CSMD1: variants seen among roughly 807,000 people sequenced by gnomAD.
CSMD1 encodes the protein CUB and Sushi multiple domains 1, also known as CUB and sushi domain-containing protein 1.
Under a neutral mutation model 417.5 loss-of-function variants are expected in CSMD1, and 213 were observed. That is an observed-to-expected ratio of 0.51 (90% CI 0.46 to 0.57). The LOEUF is 0.57. Among genes scored for constraint, CSMD1 ranks in the 20% least tolerant of loss-of-function variants. The probability of loss-of-function intolerance (pLI) is 0.00; values close to 1 mark genes in which losing one functional copy is unlikely to be tolerated. For synonymous variants in CSMD1, 2,862 were observed against 1,736.8 expected (o/e 1.65, Z -16.11); for missense variants, 6,923 against 4,529.7 (o/e 1.53, Z -15.17).
chr8:3,894,133 C>T (rs968250772), intron 5 of CSMD1, among the ~76,000 whole-genome samples: 1 of 152,178 alleles, frequency 6.6e-6, no homozygotes, highest in African/African-American at 2.4e-5. Flanking sequence ...TAAAAATATT[C>T]TTTTTCCTTT....
chr8:4,188,388 C>T (rs34749479), intron 3 of CSMD1, among the ~76,000 whole-genome samples: 105,845 of 151,724 alleles, frequency 0.7, 37,189 homozygotes, highest in South Asian at 0.8. Flanking sequence ...GCAAACAACA[C>T]AGGAAACATT....
At chr8:4,799,507 G>A (rs577013212) in intron 1 of CSMD1, among the ~76,000 whole-genome samples, 2 of 145,958 alleles carry the variant, frequency 1.4e-5, no homozygotes, top group South Asian at 2.2e-4. Flanking sequence ...CCTGGGGCAG[G>A]AGAATTGCTT....
chr8:4,449,013 T>A, intron 2 of CSMD1, among the ~76,000 whole-genome samples: 1 of 152,182 alleles, frequency 6.6e-6, no homozygotes, highest in East Asian at 1.9e-4. Context: ...ATTACTTGTG[T>A]GCGTTCAGCC....
At chr8:3,255,315 C>G (rs1415061155) in intron 26 of CSMD1, among the ~76,000 whole-genome samples, 1 of 152,118 alleles carries the variant, frequency 6.6e-6, no homozygotes, top group African/African-American at 2.4e-5. Context: ...TCTCGGGGGA[C>G]AGGGACCCAC....
At chr8:3,357,714 T>A (rs181737193) in intron 21 of CSMD1, among the ~76,000 whole-genome samples, 1 of 152,046 alleles carries the variant, frequency 6.6e-6, no homozygotes, top group Admixed American at 6.6e-5. Flanking sequence ...CAGTCAGGAG[T>A]CTTTAGACTC....
intron 33 of CSMD1, among the ~76,000 whole-genome samples, chr8:3,193,853 A>G (rs74346043): frequency 0.024 from 3,648 of 152,230 alleles, 146 homozygotes; most frequent in East Asian, 0.18. Flanking sequence ...TTCGATGATC[A>G]CCCTTCAACA....
chr8:3,598,003 A>G (rs2929605), intron 8 of CSMD1, among the ~76,000 whole-genome samples: 2,004 of 152,294 alleles, frequency 0.013, 54 homozygotes, highest in African/African-American at 0.046. Flanking sequence ...TTTTCTTTGT[A>G]TATCTCCTCT....
chr8:3,854,800 G>A (rs1338819168), intron 5 of CSMD1, among the ~76,000 whole-genome samples: 1 of 151,830 alleles, frequency 6.6e-6, no homozygotes, highest in African/African-American at 2.4e-5. Context: ...TTCATATCGA[G>A]CTGTTGATTA....
intron 1 of CSMD1, among the ~76,000 whole-genome samples, chr8:4,659,758 G>A (rs984355397): frequency 2.6e-5 from 4 of 151,992 alleles, no homozygotes; most frequent in African/African-American, 9.7e-5. Flanking sequence ...TGACGCCTCG[G>A]ATTTGTTCCT....
At chr8:3,981,801 T>G (rs1201585721) in intron 5 of CSMD1, among the ~76,000 whole-genome samples, 1 of 152,170 alleles carries the variant, frequency 6.6e-6, no homozygotes, top group African/African-American at 2.4e-5. Context: ...GAAGAGGCAG[T>G]TAGCAGAGCC....
intron 1 of CSMD1, among the ~76,000 whole-genome samples, chr8:4,703,465 G>C (rs1035745287): frequency 2.6e-5 from 4 of 152,084 alleles, no homozygotes; most frequent in African/African-American, 9.7e-5. Flanking sequence ...AATCACCAAT[G>C]TATGGATAAT....
chr8:3,646,902 G>C (rs1380113282), intron 7 of CSMD1, among the ~76,000 whole-genome samples: 2 of 152,100 alleles, frequency 1.3e-5, no homozygotes, highest in Non-Finnish European at 2.9e-5. Flanking sequence ...TGATGAGTAG[G>C]CTTAGGTAGG....
At chr8:3,788,816 G>A (rs1161280486) in intron 5 of CSMD1, among the ~76,000 whole-genome samples, 1 of 152,126 alleles carries the variant, frequency 6.6e-6, no homozygotes, top group Non-Finnish European at 1.5e-5. Context: ...ACGCATTTAT[G>A]TATTTCATGC....
At chr8:4,428,651 G>A (rs1797698451) in intron 2 of CSMD1, among the ~76,000 whole-genome samples, 1 of 151,886 alleles carries the variant, frequency 6.6e-6, no homozygotes, top group African/African-American at 2.4e-5. Context: ...AACTTTTAGG[G>A]CTTATTAAAA....
At chr8:3,696,302 T>C (rs1279483908) in intron 7 of CSMD1, among the ~76,000 whole-genome samples, 2 of 152,246 alleles carry the variant, frequency 1.3e-5, no homozygotes, top group African/African-American at 2.4e-5. Flanking sequence ...ATGCAAAATA[T>C]GGTGCCTTCC....
At chr8:4,590,341 G>A (rs1196342226) in intron 2 of CSMD1, among the ~76,000 whole-genome samples, 2 of 152,166 alleles carry the variant, frequency 1.3e-5, no homozygotes, top group Middle Eastern at 3.4e-3. Flanking sequence ...GTCACATCCA[G>A]AATACATTAA....
At chr8:3,546,835 AC>A (rs1798687475) in intron 10 of CSMD1, among the ~76,000 whole-genome samples, 1 of 152,348 alleles carries the variant, frequency 6.6e-6, no homozygotes, top group South Asian at 2.1e-4. Flanking sequence ...TGATGTTATT[AC>A]TGAAATGAAA....
intron 1 of CSMD1, among the ~76,000 whole-genome samples, chr8:4,892,952 T>A (rs1804223211): frequency 6.6e-6 from 1 of 152,116 alleles, no homozygotes; most frequent in East Asian, 1.9e-4. Flanking sequence ...TGCATTAATA[T>A]GAGCATATTG....
chr8:3,632,259 G>A (rs112111783), intron 7 of CSMD1, among the ~76,000 whole-genome samples: 2,645 of 152,238 alleles, frequency 0.017, 42 homozygotes, highest in South Asian at 0.047. Context: ...ATTTGATAAT[G>A]CATCTTAAAT....
Sources: gnomAD v4.1 joint callset for allele counts (sites outside exome capture counted in the v4.1 genomes callset) on GRCh38, gnomAD v4.1.1 for gene constraint, MANE v1.5 for transcripts, NCBI Gene and HGNC (gene_info 2026-07-23, HGNC 2026-07-21) for gene names.